Variants in MBOAT2 observed in about 807,000 individuals in gnomAD.
The protein encoded by MBOAT2 is membrane bound glycerophospholipid O-acyltransferase 2.
In MBOAT2, 28 loss-of-function variants were observed where a neutral mutation model predicts 63.4. The ratio of observed to expected loss-of-function variants is 0.44; its 90% CI spans 0.33 to 0.61. The LOEUF is 0.61. MBOAT2 is among the 20% of genes least tolerant of loss of function. The probability of loss-of-function intolerance (pLI) is 0.03; values close to 1 mark genes in which losing one functional copy is unlikely to be tolerated. For missense variants in MBOAT2, 470 were observed against 605.8 expected, an observed-to-expected ratio of 0.78 and a Z score of 2.35; for synonymous variants, 211 against 215.6, an observed-to-expected ratio of 0.98 and a Z score of 0.19.
intron 3 of MBOAT2, among the ~76,000 whole-genome samples, chr2:8,928,463 T>C (rs1667084436): frequency 6.6e-6 from 1 of 152,166 alleles, no homozygotes; most frequent in African/African-American, 2.4e-5. Flanking sequence ...GAGGCATGAA[T>C]GAATTCTAGA....
At chr2:8,952,922 T>C (rs1157613339) in intron 2 of MBOAT2, among the ~76,000 whole-genome samples, 3 of 152,166 alleles carry the variant, frequency 2.0e-5, no homozygotes, top group Non-Finnish European at 2.9e-5. Flanking sequence ...TTGTTTTTAT[T>C]CCACTTGCCA....
At chr2:8,873,381 TTCCTGAATGGATCATCAGTCCTACAACTC>T (rs1205797469) in intron 7 of MBOAT2, 81 bp from the exon 8 acceptor site, 6 of 1,366,906 alleles carry the variant, frequency 4.4e-6, no homozygotes, top group Non-Finnish European at 6.0e-6. Flanking sequence ...CAGATTAATC[TTCCTGAATGGATCATCAGTCCTACAACTC>T]TCCTGGTCAA....
chr2:8,916,002 G>A (rs1666145475), intron 3 of MBOAT2, among the ~76,000 whole-genome samples: 1 of 152,132 alleles, frequency 6.6e-6, no homozygotes, highest in African/African-American at 2.4e-5. Flanking sequence ...CTTAGGTCTG[G>A]TTGATGAAGC....
At chr2:8,894,505 G>A (rs1236216755) in intron 4 of MBOAT2, among the ~76,000 whole-genome samples, 29 of 152,206 alleles carry the variant, frequency 1.9e-4, no homozygotes, top group Admixed American at 1.9e-3. Flanking sequence ...CATGTGCGGG[G>A]AAGATAATGA....
In MBOAT2 at chr2:8,975,624, A is replaced by T. The variant is rs1169915948; in HGVS notation, c.76-16982T>A. ...AAGGGAAACATTAATTGCTACAACT[A>T]GAAACTTTATAACCACAAATGTAAA... On this transcript the variant is annotated intron_variant, in intron 1 of 12. Coordinates refer to ENST00000305997, the MANE Select transcript of MBOAT2 (RefSeq NM_138799.4). Among the ~76,000 whole-genome samples the T allele has an allele frequency of 3.3e-5, 5 of 152,114 alleles. No individual in the cohort carries two copies. The East Asian group carries it at 7.7e-4, about 23-fold the overall frequency.
chr2:8,869,567 GT>G (rs1395196846), intron 8 of MBOAT2, among the ~76,000 whole-genome samples: 1 of 152,058 alleles, frequency 6.6e-6, no homozygotes, highest in African/African-American at 2.4e-5. Flanking sequence ...TCCTTAAATT[GT>G]TTTATTGTTT....
rs1431815332 is a variant in MBOAT2 at position 8,918,536 on chromosome 2, C to T, written c.300-9820G>A. 5.3e-5 allele frequency among the ~76,000 whole-genome samples: 8 copies of T among 152,154 alleles called. No homozygotes were observed. The East Asian group carries it at 1.5e-3, about 29-fold the overall frequency. On this transcript the variant is annotated intron_variant, in intron 3 of 12. Coordinates refer to ENST00000305997, the MANE Select transcript of MBOAT2 (RefSeq NM_138799.4). The stretch of plus-strand genomic sequence containing the variant: ...GGATTTGCTGGGTGCAGGGATGCCA[C>T]AAACTTTCTGTTTGTTTAATAAAAA...
chr2:8,987,825 T>C (rs1301629705), intron 1 of MBOAT2, among the ~76,000 whole-genome samples: 1 of 152,218 alleles, frequency 6.6e-6, no homozygotes, highest in African/African-American at 2.4e-5. Context: ...ACACACACTC[T>C]AATAAAAATA....
At chr2:8,914,385 G>A (rs1033676273) in intron 3 of MBOAT2, among the ~76,000 whole-genome samples, 1 of 151,646 alleles carries the variant, frequency 6.6e-6, no homozygotes, top group Non-Finnish European at 1.5e-5. Flanking sequence ...CCAATAATGT[G>A]AACAACTACT....
intron 4 of MBOAT2, among the ~76,000 whole-genome samples, chr2:8,901,896 G>A (rs1402986044): frequency 1.3e-5 from 2 of 152,242 alleles, no homozygotes; most frequent in East Asian, 3.8e-4. Context: ...AGAGGCGAGA[G>A]GAAGTTTGTC....
chr2:8,975,797 C>CAAAAA (rs75305828), intron 1 of MBOAT2, among the ~76,000 whole-genome samples: 2 of 60,704 alleles, frequency 3.3e-5, no homozygotes, highest in Non-Finnish European at 3.9e-5. Flanking sequence ...ATGAACAATA[C>CAAAAA]AAAAAAAAAA....
Position 9,003,430 on chromosome 2 carries a change from G to T in MBOAT2, c.75+110C>A. 1 of 591,766 alleles carries T rather than the reference G, an allele frequency of 1.7e-6. No homozygotes were observed. Among genetic ancestry groups the T allele is most frequent in the Non-Finnish European group, 2.3e-6 (1 of 435,270 alleles). 36.7% of individuals were successfully genotyped at this position (591,766 alleles called of 1,614,324 possible). On this transcript the variant is annotated intron_variant, in intron 1 of 12. Coordinates refer to ENST00000305997, the MANE Select transcript of MBOAT2 (RefSeq NM_138799.4). The surrounding 1 kb of genome is among the most constrained non-coding windows in gnomAD (Gnocchi z 5.4). ...AGGGAGCGGCGGGTAGGGGGGCACC[G>T]GGCGCCCGGCCCCAGCCCCCACCCT...
rs1206031458 is a variant in MBOAT2 at position 8,897,106 on chromosome 2, G to GT, written c.396-9034dup. Among the ~76,000 whole-genome samples the GT allele has an allele frequency of 2.0e-5, 3 of 152,192 alleles. No homozygotes were observed. In the East Asian group the frequency reaches 5.8e-4, roughly 29 times the overall value. On this transcript the variant is annotated intron_variant, in intron 4 of 12. Coordinates refer to ENST00000305997, the MANE Select transcript of MBOAT2 (RefSeq NM_138799.4). ...GGCTTTTAAAGGAAAGGGGTACACTGTTTTTTCTTTACTACTTCTCTCTTT... is the reference window on the plus strand; with the variant it reads ...GGCTTTTAAAGGAAAGGGGTACACTGTTTTTTTCTTTACTACTTCTCTCTTT...
At chr2:8,902,100 AG>A (rs1181075028) in intron 4 of MBOAT2, among the ~76,000 whole-genome samples, 1 of 152,172 alleles carries the variant, frequency 6.6e-6, no homozygotes, top group Non-Finnish European at 1.5e-5. Context: ...GAAAAGTGGA[AG>A]CTGGTTCCAG....
At chr2:8,980,948 C>T (rs997715338) in intron 1 of MBOAT2, among the ~76,000 whole-genome samples, 1 of 152,068 alleles carries the variant, frequency 6.6e-6, no homozygotes, top group Non-Finnish European at 1.5e-5. Context: ...TGTGAAAACA[C>T]CCTAAATGTC....
At chr2:8,895,210 T>C (rs1290362877) in intron 4 of MBOAT2, among the ~76,000 whole-genome samples, 3 of 152,228 alleles carry the variant, frequency 2.0e-5, no homozygotes, top group African/African-American at 7.2e-5. Flanking sequence ...CCCACCCACA[T>C]CCTGCTGATT....
Position 8,864,250 on chromosome 2 carries a change from AC to A in MBOAT2, c.988-17del, listed in dbSNP as rs776061281. 2 of 1,510,762 alleles carry A rather than the reference AC, an allele frequency of 1.3e-6. No individual in the cohort carries two copies. The allele number at this position is 1,510,762 out of a possible 1,614,324, so 93.6% of individuals were successfully genotyped here. A position where few individuals can be genotyped will look rare whatever the true frequency, so the allele number is the denominator to read the frequency against. On this transcript the variant is annotated splice_polypyrimidine_tract_variant and intron_variant, in intron 9 of 12. Transcript: ENST00000305997. ...TTGTTGACATCTGAAAAAAAAGGAA[AC>A]TTTTTTCTTTGTGTCACAAAATAAT...
In MBOAT2 at chr2:8,864,233, ATCTG is replaced by A; in HGVS notation, c.988-3_988del. 1 of 1,561,318 alleles carries A rather than the reference ATCTG, an allele frequency of 6.4e-7. No individual in the cohort carries two copies. Among genetic ancestry groups the A allele is most frequent in the Admixed American group, 2.0e-5 (1 of 48,790 alleles). ...AAGAAACATCTTGAAACTTGTTGAC[ATCTG>A]AAAAAAAAGGAAACTTTTTTCTTTG... is the stretch of plus-strand genomic sequence containing the variant. On this transcript the variant is annotated splice_acceptor_variant and splice_polypyrimidine_tract_variant and coding_sequence_variant and intron_variant, in exon 10 of 13. Coordinates refer to ENST00000305997, the MANE Select transcript of MBOAT2 (RefSeq NM_138799.4). LOFTEE classifies it high-confidence loss of function.
chr2:8,889,297 G>C (rs1301463271), intron 4 of MBOAT2, among the ~76,000 whole-genome samples: 3 of 152,252 alleles, frequency 2.0e-5, no homozygotes, highest in African/African-American at 4.8e-5. Context: ...GCAAGGGTTT[G>C]CTTTAAACAT....
Sources: gnomAD v4.1 joint callset for allele counts (sites outside exome capture counted in the v4.1 genomes callset) on GRCh38, gnomAD v4.1.1 for gene constraint, Gnocchi (gnomAD v3.1) non-coding constraint, MANE v1.5 for transcripts, NCBI Gene and HGNC (gene_info 2026-07-23, HGNC 2026-07-21) for gene names.